FANCM: variants seen among roughly 807,000 people sequenced by gnomAD.
The protein encoded by FANCM is Fanconi anemia group M protein.
In FANCM, 140 loss-of-function variants were observed where a neutral mutation model predicts 199.5. That is an observed-to-expected ratio of 0.70 (90% CI 0.61 to 0.81). The LOEUF (loss-of-function observed/expected upper bound fraction) is 0.81. FANCM is among the 30% of genes least tolerant of loss of function. FANCM has a pLI of 0.00. For synonymous variants in FANCM, 840 were observed against 836.8 expected, an observed-to-expected ratio of 1.00 and a Z score of -0.07; for missense variants, 2,410 against 2,421.4, an observed-to-expected ratio of 1.00 and a Z score of 0.10.
At chr14:45,161,378 G>A (rs79571440) in intron 9 of FANCM, among the ~76,000 whole-genome samples, 6,658 of 152,172 alleles carry the variant, frequency 0.044, 186 homozygotes, top group Non-Finnish European at 0.065. Context: ...AGATCCTTTA[G>A]GGCCCTATAT....
At chr14:45,171,273 T>C (rs1037127495) in intron 12 of FANCM, among the ~76,000 whole-genome samples, 1 of 152,048 alleles carries the variant, frequency 6.6e-6, no homozygotes, top group African/African-American at 2.4e-5. Flanking sequence ...CATCTAGCTT[T>C]TTCAGTATTT....
intron 8 of FANCM, among the ~76,000 whole-genome samples, chr14:45,156,560 A>T (rs1887202989): frequency 6.6e-6 from 1 of 152,094 alleles, no homozygotes. Flanking sequence ...TAGATTCTAG[A>T]TATATGTTCA....
At chr14:45,169,814 G>A (rs1460540009) in intron 11 of FANCM, among the ~76,000 whole-genome samples, 2 of 152,154 alleles carry the variant, frequency 1.3e-5, no homozygotes, top group Non-Finnish European at 2.9e-5. Flanking sequence ...TATAGAAGCT[G>A]AAAAGAATGA....
Position 45,188,805 on chromosome 14 carries a change from C to T in FANCM, c.4783C>T (p.Pro1595Ser), listed in dbSNP as rs765536952. 5 of 1,606,858 alleles carry T rather than the reference C, an allele frequency of 3.1e-6. No individual in the cohort carries two copies. The highest frequency in any genetic ancestry group is 4.3e-6 in the Non-Finnish European group (5 of 1,174,834). Residue 1595 changes from proline (P) to serine (S), a missense_variant, in exon 20 of 23, where the codon CCT (proline) becomes TCT (serine). Transcript: ENST00000267430. ...HKNINIFSQI[P>S]EQDETYLEDS... ...CATTCTTGTGTTTTTATTGTAGATT[C>T]CTGAACAAGATGAAACCTATTTAGA... is the stretch of plus-strand genomic sequence containing the variant.
chr14:45,185,265 G>T lies in FANCM; in HGVS notation c.4564G>T (p.Asp1522Tyr). 1 of 1,603,920 alleles carries T rather than the reference G, an allele frequency of 6.2e-7. No individual in the cohort carries two copies. Among genetic ancestry groups the T allele is most frequent in the Non-Finnish European group, 8.5e-7 (1 of 1,171,938 alleles). The change falls in exon 18 of 23, where the codon GAT becomes TAT. Residue 1522 changes from aspartate (D) to tyrosine (Y), a missense_variant. Transcript: ENST00000267430. ...LDDEAELSEE[D>Y]AEYVSSDEND... The stretch of plus-strand genomic sequence containing the variant: ...TGATGAAGCAGAACTTTCTGAAGAA[G>T]ATGCAGAATATGTTTCATCAGATGA...
Position 45,136,017 on chromosome 14 carries a change from G to A in FANCM, c.-15G>A, listed in dbSNP as rs771181716. 1 of 1,612,958 alleles carries A rather than the reference G, an allele frequency of 6.2e-7. No individual in the cohort carries two copies. The highest frequency in any genetic ancestry group is 8.5e-7 in the Non-Finnish European group (1 of 1,180,000). On this transcript the variant is annotated 5_prime_UTR_variant, in exon 1 of 23. It adds an upstream start codon to the 5' untranslated region. Coordinates refer to ENST00000267430, the MANE Select transcript of FANCM (RefSeq NM_020937.4). ...TACGGATATCTGACAGAAGCCTTCG[G>A]TGGTTGTCGGCCTAATGAGCGGACG...
rs577895340 is a variant in FANCM at position 45,173,303 on chromosome 14, C to A, written c.2316+93C>A. ...TCTTAATTTGAAGTAATAAGAAATA[C>A]TTTGTTTTTCTGTATAGTTCCTTGT... is the stretch of plus-strand genomic sequence containing the variant. On this transcript the variant is annotated intron_variant, in intron 13 of 22. Transcript: ENST00000267430. 40 of 1,163,012 alleles carry A rather than the reference C, an allele frequency of 3.4e-5. No individual in the cohort carries two copies. In the African/African-American group the frequency reaches 4.0e-4, roughly 12 times the overall value. The allele number at this position is 1,163,012 out of a possible 1,614,324, so 72.0% of individuals were successfully genotyped here.
At chr14:45,140,852 G>T (rs1421369418) in intron 3 of FANCM, 143 bp downstream of exon 3, 1 of 679,176 alleles carries the variant, frequency 1.5e-6, no homozygotes, top group Non-Finnish European at 2.6e-6. Context: ...ACCAGCCTGG[G>T]CAACATGGTG....
Position 45,155,278 on chromosome 14 carries a change from A to G in FANCM, c.1310-95A>G. ...TTTTTAAAAATTAAAAAAAAATCCA[A>G]CATATGCATTGGAAAAGATAACTTT... On this transcript the variant is annotated intron_variant, in intron 7 of 22. Coordinates refer to ENST00000267430, the MANE Select transcript of FANCM (RefSeq NM_020937.4). 4.9e-6 allele frequency: 3 copies of G among 615,302 alleles called. No homozygotes were observed. In the South Asian group the frequency reaches 5.3e-5, roughly 11 times the overall value. The allele number at this position is 615,302 out of a possible 1,614,324, so 38.1% of individuals were successfully genotyped here. A position where few individuals can be genotyped will look rare whatever the true frequency, so the allele number is the denominator to read the frequency against.
chr14:45,150,820 A>G (rs766222747), intron 4 of FANCM, among the ~76,000 whole-genome samples: 16 of 152,210 alleles, frequency 1.1e-4, no homozygotes, highest in Non-Finnish European at 2.1e-4. Context: ...GGTTCCCTCC[A>G]TTGGAATGTA....
intron 18 of FANCM, among the ~76,000 whole-genome samples, chr14:45,186,144 T>A (rs898658637): frequency 7.2e-5 from 11 of 152,184 alleles, no homozygotes; most frequent in Admixed American, 7.2e-4. Context: ...TCCTCTCACC[T>A]TGGCCTCTCA....
chr14:45,176,584 A>T lies in FANCM; in HGVS notation c.3830A>T (p.Asn1277Ile). Residue 1277 changes from asparagine (N) to isoleucine (I), a missense_variant, in exon 14 of 23, where the codon AAT becomes ATT. Physicochemically the swap from Asn to Ile is moderately radical, Grantham distance 149. Coordinates refer to ENST00000267430, the MANE Select transcript of FANCM (RefSeq NM_020937.4). ...KEISDANYVS[N>I]QALIPRDHSK... ...ATAAGTGATGCAAATTATGTTTCGA[A>T]TCAAGCACTAATACCAAGAGATCAT... 6.2e-7 allele frequency: 1 copy of T among 1,605,566 alleles called. No homozygotes were observed. The highest frequency in any genetic ancestry group is 8.5e-7 in the Non-Finnish European group (1 of 1,175,750).
rs1888272917 is a variant in FANCM at position 45,170,568 on chromosome 14, CATT to C, written c.2003-17_2003-15del. On this transcript the variant is annotated intron_variant, in intron 11 of 22. Transcript: ENST00000267430. ...GCAGATTTTTAAAAAGTCTCTTTTC[CATT>C]ATTTTTTCAACTTATAGGAATGAGG... The C allele has an allele frequency of 1.3e-6, 2 of 1,559,074 alleles. No individual in the cohort carries two copies. The highest frequency in any genetic ancestry group is 1.4e-5 in the African/African-American group (1 of 73,700).
At position 45,140,695 on chromosome 14, in the gene FANCM, G is replaced by C; in HGVS notation, c.745G>C (p.Gly249Arg). 6.3e-7 allele frequency: 1 copy of C among 1,586,420 alleles called. No individual in the cohort carries two copies. Among genetic ancestry groups the C allele is most frequent in the Non-Finnish European group, 8.7e-7 (1 of 1,155,536 alleles). ...AATCTTGGCTCTAAGTGCCACACCA[G>C]GTAGTGATATAAAGGTAAGTAAAAT... Reference protein sequence around the residue: ...FRILALSATPGSDIKAVQQVI... With the variant: ...FRILALSATPRSDIKAVQQVI... The change falls in exon 3 of 23, where the codon GGT (glycine) becomes CGT (arginine). Residue 249 changes from glycine (G) to arginine (R), a missense_variant. Physicochemically the swap from Gly to Arg is moderately radical, Grantham distance 125 (BLOSUM62 -2). Transcript: ENST00000267430.
At chr14:45,196,694 T>C (rs1890080722) in intron 21 of FANCM, 147 bp downstream of exon 21, 3 of 812,592 alleles carry the variant, frequency 3.7e-6, no homozygotes, top group Admixed American at 2.6e-5. Flanking sequence ...CATACAGCCA[T>C]AATGGCTTTC....
intron 20 of FANCM, among the ~76,000 whole-genome samples, chr14:45,194,158 C>T (rs533037121): frequency 6.6e-6 from 1 of 151,964 alleles, no homozygotes; most frequent in South Asian, 2.1e-4. Context: ...AAAAATCAGC[C>T]AGGTGTCGTG....
At chr14:45,172,444 A>T (rs1323544817) in intron 12 of FANCM, among the ~76,000 whole-genome samples, 1 of 152,122 alleles carries the variant, frequency 6.6e-6, no homozygotes, top group African/African-American at 2.4e-5. Flanking sequence ...AGGGATGAGG[A>T]TCCAGTTTCA....
chr14:45,197,470 G>GT (rs11362125), intron 21 of FANCM, among the ~76,000 whole-genome samples: 2,664 of 141,536 alleles, frequency 0.019, 78 homozygotes, highest in African/African-American at 0.06. Flanking sequence ...TTTTTTTTTT[G>GT]TTTTTTTTTT....
intron 6 of FANCM, 129 bp downstream of exon 6, chr14:45,154,181 A>C: frequency 1.6e-6 from 1 of 632,266 alleles, no homozygotes; most frequent in Non-Finnish European, 2.7e-6. Flanking sequence ...TGGGTGGATC[A>C]CTTGAGGTCA....
Sources: gnomAD v4.1 joint callset for allele counts (sites outside exome capture counted in the v4.1 genomes callset) on GRCh38, gnomAD v4.1.1 for gene constraint, MANE v1.5 for transcripts, NCBI Gene and HGNC (gene_info 2026-07-23, HGNC 2026-07-21) for gene names.